Variants in LPIN2 observed in about 807,000 individuals in gnomAD.
LPIN2 encodes phosphatidate phosphatase LPIN2.
In LPIN2, 55 loss-of-function variants were observed where a neutral mutation model predicts 111.4. That is an observed-to-expected ratio of 0.49 (90% CI 0.40 to 0.62). The LOEUF (loss-of-function observed/expected upper bound fraction) is 0.62. LPIN2 is among the 20% of genes least tolerant of loss of function. The pLI is 0.00. For missense variants in LPIN2, 992 were observed against 1,112.1 expected (o/e 0.89, Z 1.54); for synonymous variants, 425 against 414.0 (o/e 1.03, Z -0.32).
intron 1 of LPIN2, among the ~76,000 whole-genome samples, chr18:2,972,577 C>T (rs1395456705): frequency 1.3e-5 from 2 of 152,140 alleles, no homozygotes; most frequent in East Asian, 3.8e-4. Context: ...TAATTTTCTT[C>T]AGAAATAGAA....
chr18:2,921,154 G>A, intron 18 of LPIN2: 2 of 561,324 alleles, frequency 3.6e-6, no homozygotes. Flanking sequence ...CACACCTGAG[G>A]CCCGATGGCC....
intron 1 of LPIN2, among the ~76,000 whole-genome samples, chr18:2,963,617 G>T (rs919002461): frequency 3.3e-5 from 5 of 151,892 alleles, no homozygotes; most frequent in Non-Finnish European, 5.9e-5. Context: ...AAACAAACAA[G>T]AAGTCACAGA....
intron 15 of LPIN2, among the ~76,000 whole-genome samples, chr18:2,924,083 G>A (rs2077095717): frequency 6.6e-6 from 1 of 152,172 alleles, no homozygotes; most frequent in African/African-American, 2.4e-5. Flanking sequence ...TGTGTGTTCG[G>A]AGGTAACTGA....
Position 2,920,864 on chromosome 18 carries a change from T to C in LPIN2, c.2460A>G (p.Thr820=), listed in dbSNP as rs989221479. 6.2e-7 allele frequency: 1 copy of C among 1,613,112 alleles called. No homozygotes were observed. The highest frequency in any genetic ancestry group is 8.5e-7 in the Non-Finnish European group (1 of 1,179,170). The part of the protein sequence containing the change: ...GNRPNDVYAY[T]QVGVPDCRIF... ...TTCTACAGTCTGGAACTCCAACTTG[T>C]GTGTAGGCATAGACATCCTGCAGAA... The change falls in exon 19 of 20, where the codon ACA becomes ACG. Residue 820 remains threonine, a synonymous_variant. Transcript: ENST00000677752.
At chr18:2,982,075 CTAAGTTA>C (rs2078119357) in intron 1 of LPIN2, among the ~76,000 whole-genome samples, 2 of 152,116 alleles carry the variant, frequency 1.3e-5, no homozygotes, top group Non-Finnish European at 2.9e-5. Flanking sequence ...ATAACTTGTT[CTAAGTTA>C]TATTTTGTAA....
At chr18:2,927,458 G>A (rs890131046) in intron 12 of LPIN2, among the ~76,000 whole-genome samples, 28 of 152,116 alleles carry the variant, frequency 1.8e-4, no homozygotes, top group Non-Finnish European at 3.8e-4. Flanking sequence ...CCCCAGCTCC[G>A]TCTCTCACCA....
intron 3 of LPIN2, among the ~76,000 whole-genome samples, chr18:2,952,749 G>A (rs916330641): frequency 2.6e-5 from 4 of 152,048 alleles, no homozygotes; most frequent in African/African-American, 9.7e-5. Flanking sequence ...TGTTTCTGGT[G>A]GTATTTCTTA....
At chr18:2,921,340 C>T in intron 18 of LPIN2, 193 bp downstream of exon 18, 1 of 628,556 alleles carries the variant, frequency 1.6e-6, no homozygotes, top group Non-Finnish European at 2.8e-6. Context: ...AATTCTGGGG[C>T]AGATCTGCAC....
chr18:2,921,993 A>C (rs1472247886), intron 17 of LPIN2, 54 bp downstream of exon 17: 15 of 1,571,936 alleles, frequency 9.5e-6, no homozygotes, highest in African/African-American at 2.7e-5. Context: ...CCTTGGGCCC[A>C]GCCCCGCCCA....
chr18:2,937,271 C>T (rs964043194), intron 7 of LPIN2, among the ~76,000 whole-genome samples: 2 of 151,950 alleles, frequency 1.3e-5, no homozygotes, highest in African/African-American at 2.4e-5. Context: ...GGCCTGGGCA[C>T]GGTGGCTCAC....
chr18:2,944,095 A>G lies in LPIN2; in HGVS notation c.591-3383T>C, dbSNP rs146897385. ...GTTCTGGCCTTCAGAATATTTCCTA[A>G]TTTTTCTTCTTAAGCTCTGCACTGC... is the stretch of plus-strand genomic sequence containing the variant. On this transcript the variant is annotated intron_variant, in intron 4 of 19. Coordinates refer to ENST00000677752, the MANE Select transcript of LPIN2 (RefSeq NM_001375808.2). Among the ~76,000 whole-genome samples, 1,328 of 151,798 alleles carry G rather than the reference A, an allele frequency of 8.7e-3. 29 individuals are homozygous for G. Among genetic ancestry groups the G allele is most frequent in the African/African-American group, 0.03 (1,238 of 41,454 alleles).
At position 2,931,346 on chromosome 18, in the gene LPIN2, T is replaced by C. The variant is rs760429116; in HGVS notation, c.1366A>G (p.Thr456Ala). 1.7e-5 allele frequency: 28 copies of C among 1,614,010 alleles called. No homozygotes were observed. The highest frequency in any genetic ancestry group is 2.2e-5 in the Non-Finnish European group (26 of 1,180,024). ...ATGGCAGAATCTGAGAGGCACTCGG[T>C]GCCGCTATCTGCAGCTGCGCTTCCC... ...SVGSAAADSG[T>A]ECLSDSAMDL... Residue 456 changes from threonine to alanine, a missense_variant, in exon 9 of 20, where the codon ACC becomes GCC. By Grantham distance (58) the Thr-to-Ala change is moderately conservative. Around this residue, in one of 4 missense-constraint regions of LPIN2, gnomAD observed 709 missense variants for 753.2 expected, o/e 0.94. Transcript: ENST00000677752.
chr18:2,931,125 G>T, intron 9 of LPIN2, 131 bp downstream of exon 9: 1 of 1,087,834 alleles, frequency 9.2e-7, no homozygotes, highest in South Asian at 1.3e-5. Context: ...TGACATTACA[G>T]AACATACCTG....
intron 4 of LPIN2, among the ~76,000 whole-genome samples, chr18:2,942,572 G>T (rs893517160): frequency 6.6e-6 from 1 of 152,344 alleles, no homozygotes; most frequent in Admixed American, 6.5e-5. Context: ...ACAGGATTTA[G>T]TAAAATATTG....
At chr18:2,950,780 T>G in intron 4 of LPIN2, 1 of 488,082 alleles carries the variant, frequency 2.0e-6, no homozygotes, top group Non-Finnish European at 3.7e-6. Context: ...AATCACTAAT[T>G]CAGATCTTTT....
At chr18:2,927,626 C>T in intron 12 of LPIN2, 96 bp downstream of exon 12, 1 of 1,316,448 alleles carries the variant, frequency 7.6e-7, no homozygotes. Flanking sequence ...TAGCCCTATA[C>T]AGTCCAAATT....
At chr18:2,998,712 A>G (rs1315506781) in intron 1 of LPIN2, among the ~76,000 whole-genome samples, 3 of 152,136 alleles carry the variant, frequency 2.0e-5, no homozygotes, top group Non-Finnish European at 2.9e-5. Context: ...AAGCTCCAAG[A>G]AGGCTCATAT....
At position 2,923,859 on chromosome 18, in the gene LPIN2, G is replaced by A. The variant is rs754622332; in HGVS notation, c.2090C>T (p.Ser697Leu). The A allele has an allele frequency of 2.5e-6, 4 of 1,613,508 alleles. No individual in the cohort carries two copies. Among genetic ancestry groups the A allele is most frequent in the South Asian group, 1.1e-5 (1 of 91,064 alleles). ...TGGGAGAATCTGTCCCAAAGCATCC[G>A]ACCTAAGAAGACGGTAGAAACAGGA... is the stretch of plus-strand genomic sequence containing the variant. ...ISDIDGTITK[S>L]DALGQILPQL... The change falls in exon 16 of 20, where the codon TCG (serine) becomes TTG (leucine). Residue 697 changes from serine to leucine, a missense_variant and splice_region_variant. This residue lies in a region of LPIN2 where 709 missense variants were observed against 753.2 expected (regional missense o/e 0.94). Coordinates refer to ENST00000677752, the MANE Select transcript of LPIN2 (RefSeq NM_001375808.2).
At chr18:2,929,479 GAC>G (rs35029198) in intron 9 of LPIN2, among the ~76,000 whole-genome samples, 2,536 of 152,170 alleles carry the variant, frequency 0.017, 53 homozygotes, top group African/African-American at 0.054. Flanking sequence ...AAGACAGACA[GAC>G]ACACACACAC....
Sources: allele counts gnomAD v4.1 joint callset (sites outside exome capture counted in the v4.1 genomes callset), GRCh38; gene constraint gnomAD v4.1.1; regional missense constraint gnomAD v4.1.1; transcripts MANE v1.5; gene names NCBI Gene and HGNC (gene_info 2026-07-23, HGNC 2026-07-21).